TOPBP1: variants seen among roughly 807,000 people sequenced by gnomAD.
TOPBP1 encodes DNA topoisomerase II binding protein 1.
TOPBP1 carries 28 observed loss-of-function variants against 167.7 expected under a neutral mutation model. The ratio of observed to expected loss-of-function variants is 0.17; its 90% CI spans 0.12 to 0.23. TOPBP1 has a LOEUF of 0.23. Among genes scored for constraint, TOPBP1 ranks in the 10% least tolerant of loss-of-function variants. TOPBP1 has a pLI of 1.00. For missense variants in TOPBP1, 1,554 were observed against 1,809.6 expected, an observed-to-expected ratio of 0.86 and a Z score of 2.56; for synonymous variants, 598 against 611.4, an observed-to-expected ratio of 0.98 and a Z score of 0.32.
chr3:133,649,690 C>A, intron 9 of TOPBP1, 57 bp from the exon 10 acceptor site: 1 of 1,596,984 alleles, frequency 6.3e-7, no homozygotes, highest in Non-Finnish European at 8.5e-7. Flanking sequence ...CATCATCCCA[C>A]TTGTCATGCA....
chr3:133,643,110 C>G, intron 12 of TOPBP1, 90 bp downstream of exon 12: 1 of 1,303,014 alleles, frequency 7.7e-7, no homozygotes, highest in East Asian at 2.6e-5. Context: ...TAAAGACACC[C>G]AACCAAATTC....
At chr3:133,628,201 A>G (rs1435979293) in intron 16 of TOPBP1, 161 bp downstream of exon 16, 5 of 660,482 alleles carry the variant, frequency 7.6e-6, no homozygotes, top group Non-Finnish European at 1.3e-5. Flanking sequence ...GTGAGAGGCT[A>G]TTTTCAACAG....
intron 16 of TOPBP1, among the ~76,000 whole-genome samples, chr3:133,625,575 T>C (rs1346957486): frequency 6.6e-6 from 1 of 151,782 alleles, no homozygotes; most frequent in African/African-American, 2.4e-5. Flanking sequence ...CTTCTAAAAA[T>C]ACAAAATTAG....
intron 1 of TOPBP1, 71 bp from the exon 2 acceptor site, chr3:133,661,205 T>A: frequency 8.6e-7 from 1 of 1,166,616 alleles, no homozygotes; most frequent in Non-Finnish European, 1.2e-6. Context: ...TTAACCTACC[T>A]ATTTTTCTGT....
chr3:133,656,870 AAG>A lies in TOPBP1; in HGVS notation c.364-15_364-14del. On this transcript the variant is annotated splice_polypyrimidine_tract_variant and intron_variant, in intron 4 of 27. Coordinates refer to ENST00000260810, the MANE Select transcript of TOPBP1 (RefSeq NM_007027.4). ...TATGAACTTCTTCCTGCAGCCCCAA[AAG>A]AGAACACATTAATGCTGAAGCAAAC... 6.4e-7 allele frequency: 1 copy of A among 1,551,226 alleles called. No homozygotes were observed. The highest frequency in any genetic ancestry group is 8.7e-7 in the Non-Finnish European group (1 of 1,149,870).
At chr3:133,648,598 G>A (rs1297539430) in intron 10 of TOPBP1, among the ~76,000 whole-genome samples, 1 of 152,172 alleles carries the variant, frequency 6.6e-6, no homozygotes. Context: ...GGGAGTTCAA[G>A]ACCAGCCTGG....
intron 23 of TOPBP1, among the ~76,000 whole-genome samples, chr3:133,615,633 GCA>G (rs1934845148): frequency 6.6e-6 from 1 of 152,034 alleles, no homozygotes; most frequent in Non-Finnish European, 1.5e-5. Context: ...AACACCTGAA[GCA>G]CAGTTAGTCC....
intron 8 of TOPBP1, among the ~76,000 whole-genome samples, chr3:133,651,054 G>T (rs1374886171): frequency 6.8e-6 from 1 of 147,502 alleles, no homozygotes; most frequent in Non-Finnish European, 1.5e-5. Context: ...CTGAGATCAC[G>T]CCACTGCACT....
chr3:133,602,958 C>T (rs1934360513), intron 27 of TOPBP1, among the ~76,000 whole-genome samples: 1 of 148,892 alleles, frequency 6.7e-6, no homozygotes, highest in South Asian at 2.1e-4. Flanking sequence ...TGCAGAGGCA[C>T]GATCTTGGCT....
chr3:133,641,171 T>A (rs1227670307), intron 12 of TOPBP1, among the ~76,000 whole-genome samples: 2 of 152,186 alleles, frequency 1.3e-5, no homozygotes, highest in Non-Finnish European at 2.9e-5. Context: ...CTTATTTAGA[T>A]ATGAGATACT....
At chr3:133,628,993 A>G (rs1368896402) in intron 14 of TOPBP1, among the ~76,000 whole-genome samples, 2 of 152,186 alleles carry the variant, frequency 1.3e-5, no homozygotes, top group African/African-American at 4.8e-5. Flanking sequence ...CAAAGAGACT[A>G]ACTAGCTTAC....
chr3:133,652,775 A>T, intron 7 of TOPBP1, 146 bp from the exon 8 acceptor site: 1 of 612,096 alleles, frequency 1.6e-6, no homozygotes, highest in South Asian at 2.3e-5. Context: ...TCTTAGTGGC[A>T]AAGTATAAAA....
chr3:133,623,366 C>A lies in TOPBP1; in HGVS notation c.3020G>T (p.Gly1007Val). The change falls in exon 18 of 28, where the codon GGC becomes GTC. Residue 1007 changes from glycine (G) to valine (V), a missense_variant. Physicochemically the swap from Gly to Val is moderately radical, Grantham distance 109. Transcript: ENST00000260810. ...GAGTAGTCGACTATTACAGAGCCGG[C>A]CATCTTGCACTGCGCTGATATCCAA... is the stretch of plus-strand genomic sequence containing the variant. Reference protein sequence around the residue: ...MSLDISAVQDGRLCNSRLLSA... With the variant: ...MSLDISAVQDVRLCNSRLLSA... The A allele has an allele frequency of 6.2e-7, 1 of 1,613,470 alleles. No homozygotes were observed. Among genetic ancestry groups the A allele is most frequent in the Non-Finnish European group, 8.5e-7 (1 of 1,179,688 alleles).
Position 133,655,475 on chromosome 3 carries a change from C to A in TOPBP1, c.557G>T (p.Arg186Ile). 1 of 1,496,634 alleles carries A rather than the reference C, an allele frequency of 6.7e-7. No individual in the cohort carries two copies. The highest frequency in any genetic ancestry group is 8.9e-7 in the Non-Finnish European group (1 of 1,120,332). The allele number at this position is 1,496,634 out of a possible 1,614,324, so 92.7% of individuals were successfully genotyped here. Residue 186 changes from arginine (R) to isoleucine (I), a missense_variant, in exon 6 of 28, where the codon AGA becomes ATA. Physicochemically the swap from Arg to Ile is moderately conservative, Grantham distance 97 (BLOSUM62 -3). Around this residue, in one of 3 missense-constraint regions of TOPBP1, gnomAD observed 1,197 missense variants for 1,351.5 expected, o/e 0.89. Transcript: ENST00000260810. ...WEKSQEKKIT[R>I]YTDINMEDFK... ...ATCTTCCATGTTTATATCAGTATAT[C>A]TAGTTATTTTTCTGTGGGAATCAAA...
At chr3:133,614,605 T>A (rs1237033412) in intron 23 of TOPBP1, among the ~76,000 whole-genome samples, 1 of 152,160 alleles carries the variant, frequency 6.6e-6, no homozygotes, top group Non-Finnish European at 1.5e-5. Flanking sequence ...CTCTTCTAGA[T>A]CAATTCTCTG....
chr3:133,616,439 T>C (rs912360646), intron 23 of TOPBP1, among the ~76,000 whole-genome samples: 2 of 152,100 alleles, frequency 1.3e-5, no homozygotes, highest in Non-Finnish European at 2.9e-5. Flanking sequence ...TGTTTCTAAC[T>C]GGAAACAAAC....
At position 133,643,154 on chromosome 3, in the gene TOPBP1, T is replaced by A. The variant is rs769447428; in HGVS notation, c.2021+46A>T. On this transcript the variant is annotated intron_variant, in intron 12 of 27. Coordinates refer to ENST00000260810, the MANE Select transcript of TOPBP1 (RefSeq NM_007027.4). Reference sequence around the variant, plus strand: ...ATGCTCTCCAAGAAGTCAAAATAAATAAAAAGATACACCAATACAACAGGT... The same window carrying A: ...ATGCTCTCCAAGAAGTCAAAATAAAAAAAAAGATACACCAATACAACAGGT... The A allele has an allele frequency of 8.9e-6, 13 of 1,453,798 alleles. 1 individual carries two copies. In the South Asian group the frequency reaches 9.7e-5, roughly 11 times the overall value. The allele number at this position is 1,453,798 out of a possible 1,614,324, so 90.1% of individuals were successfully genotyped here.
At chr3:133,642,215 T>C (rs1334716484) in intron 12 of TOPBP1, among the ~76,000 whole-genome samples, 1 of 152,128 alleles carries the variant, frequency 6.6e-6, no homozygotes, top group African/African-American at 2.4e-5. Flanking sequence ...CAGGCTGGTC[T>C]TGAACTCCTG....
rs766293873 is a variant in TOPBP1, at chr3:133,640,141, T to C, written c.2051A>G (p.Asn684Ser). 20 of 1,613,674 alleles carry C rather than the reference T, an allele frequency of 1.2e-5. No individual in the cohort carries two copies. The highest frequency in any genetic ancestry group is 6.6e-5 in the South Asian group (6 of 91,072). ...SVQEYFVRKS[N>S]AKKGMFASTH... ...ACTGGCAAACATGCCTTTCTTTGCA[T>C]TGGATTTGCGAACAAAGTATTCTTG... The change falls in exon 13 of 28, where the codon AAT (asparagine) becomes AGT (serine). Residue 684 changes from asparagine to serine, a missense_variant. By Grantham distance (46) the Asn-to-Ser change is conservative. Transcript: ENST00000260810.
Sources: gnomAD v4.1 joint callset for allele counts (sites outside exome capture counted in the v4.1 genomes callset) on GRCh38, gnomAD v4.1.1 for gene constraint, gnomAD v4.1.1 regional missense constraint, MANE v1.5 for transcripts, NCBI Gene and HGNC (gene_info 2026-07-23, HGNC 2026-07-21) for gene names.